Variants in PPP3CA observed in about 807,000 individuals in gnomAD.
PPP3CA encodes protein phosphatase 3 catalytic subunit alpha.
PPP3CA carries 14 observed loss-of-function variants against 66.5 expected under a neutral mutation model. That is an observed-to-expected ratio of 0.21 (90% CI 0.14 to 0.33). PPP3CA has a LOEUF of 0.33. Among genes scored for constraint, PPP3CA ranks in the 10% least tolerant of loss-of-function variants. The pLI is 1.00. For synonymous variants in PPP3CA, 232 were observed against 226.2 expected, an observed-to-expected ratio of 1.03 and a Z score of -0.23; for missense variants, 317 against 639.5, an observed-to-expected ratio of 0.50 and a Z score of 5.44.
intron 2 of PPP3CA, among the ~76,000 whole-genome samples, chr4:101,124,741 A>G (rs1425948293): frequency 3.5e-4 from 33 of 93,252 alleles, no homozygotes; most frequent in African/African-American, 1.3e-3. Flanking sequence ...GAAAGAAAGA[A>G]AGAAAGAAAG....
chr4:101,179,691 A>G (rs1018278400), intron 2 of PPP3CA, among the ~76,000 whole-genome samples: 1 of 152,196 alleles, frequency 6.6e-6, no homozygotes, highest in Non-Finnish European at 1.5e-5. Flanking sequence ...TTCGTGCAGT[A>G]CTTATTTCAG....
chr4:101,102,750 C>T (rs547553603), intron 3 of PPP3CA, among the ~76,000 whole-genome samples: 1 of 152,230 alleles, frequency 6.6e-6, no homozygotes, highest in East Asian at 1.9e-4. Flanking sequence ...CAGTGAAATA[C>T]AATTAGTTAA....
At chr4:101,082,116 GA>G in intron 7 of PPP3CA, among the ~76,000 whole-genome samples, 1 of 152,190 alleles carries the variant, frequency 6.6e-6, no homozygotes, top group Non-Finnish European at 1.5e-5. Context: ...CAGCCGACTG[GA>G]ACACAGCCAA....
intron 1 of PPP3CA, among the ~76,000 whole-genome samples, chr4:101,320,857 T>C (rs1729021161): frequency 6.6e-6 from 1 of 152,008 alleles, no homozygotes; most frequent in African/African-American, 2.4e-5. Flanking sequence ...TATTCTGAGA[T>C]CTTTGTGAAA....
chr4:101,342,931 T>A (rs1043312482), intron 1 of PPP3CA, among the ~76,000 whole-genome samples: 10 of 152,164 alleles, frequency 6.6e-5, no homozygotes, highest in Non-Finnish European at 1.5e-4. Flanking sequence ...TTAACTAGCA[T>A]CTTCTTGCTT....
rs368280907 is a variant in PPP3CA, at chr4:101,032,385, C to T, written c.1242-21G>A. The T allele has an allele frequency of 1.5e-5, 24 of 1,579,660 alleles. No individual in the cohort carries two copies. In the East Asian group the frequency reaches 2.0e-4, roughly 13 times the overall value. ...CTTCTCTGGAAGGCACAATGAGGGG[C>T]GACATTAACTTTTAATTTCTTTTGT... On this transcript the variant is annotated intron_variant, in intron 11 of 13. Coordinates refer to ENST00000394854, the MANE Select transcript of PPP3CA (RefSeq NM_000944.5).
intron 1 of PPP3CA, among the ~76,000 whole-genome samples, chr4:101,336,709 G>T (rs1227927780): frequency 1.3e-5 from 2 of 152,076 alleles, no homozygotes; most frequent in African/African-American, 4.8e-5. Context: ...CAAAGCATCA[G>T]ATTGTAATCA....
Position 101,319,189 on chromosome 4 carries a change from T to A in PPP3CA, c.58+27550A>T, listed in dbSNP as rs116406516. Among the ~76,000 whole-genome samples, 1,121 of 147,906 alleles carry A rather than the reference T, an allele frequency of 7.6e-3. 10 individuals carry two copies. Among genetic ancestry groups the A allele is most frequent in the African/African-American group, 0.026 (1,070 of 40,490 alleles). On this transcript the variant is annotated intron_variant, in intron 1 of 13. Coordinates refer to ENST00000394854, the MANE Select transcript of PPP3CA (RefSeq NM_000944.5). ...CATATTGAAAAAAAAAAAAAAAGCC[T>A]GGCTTTAAAAAGGAAGAACAGAGAG... is the stretch of plus-strand genomic sequence containing the variant.
chr4:101,106,465 GA>G (rs1366153808), intron 3 of PPP3CA, among the ~76,000 whole-genome samples: 1,217 of 42,064 alleles, frequency 0.029, 217 homozygotes, highest in African/African-American at 0.096. Flanking sequence ...GAAAAGAAAA[GA>G]AAAGAAAAGA....
intron 8 of PPP3CA, among the ~76,000 whole-genome samples, chr4:101,066,144 G>A (rs1728670767): frequency 6.6e-6 from 1 of 152,060 alleles, no homozygotes; most frequent in African/African-American, 2.4e-5. Context: ...TTTGGCCTGA[G>A]TCTAAAGTCT....
rs370450046 is a variant in PPP3CA at position 101,074,445 on chromosome 4, T to G, written c.955+6087A>C. Among the ~76,000 whole-genome samples, 15 of 152,318 alleles carry G rather than the reference T, an allele frequency of 9.8e-5. No homozygotes were observed. In the East Asian group the frequency reaches 2.7e-3, roughly 27 times the overall value. Reference sequence around the variant, plus strand: ...TGTGGTATAGTATGGAATGAGCTTCTGAGGTCTGGCCATACCACACTATGT... The same window carrying G: ...TGTGGTATAGTATGGAATGAGCTTCGGAGGTCTGGCCATACCACACTATGT... On this transcript the variant is annotated intron_variant, in intron 8 of 13. Coordinates refer to ENST00000394854, the MANE Select transcript of PPP3CA (RefSeq NM_000944.5).
At chr4:101,078,521 CTCTT>C (rs574822730) in intron 8 of PPP3CA, among the ~76,000 whole-genome samples, 169 of 152,260 alleles carry the variant, frequency 1.1e-3, no homozygotes, top group African/African-American at 3.8e-3. Context: ...GTGTTTGACT[CTCTT>C]TGTTTACACT....
chr4:101,118,791 T>C (rs535342758), intron 2 of PPP3CA, among the ~76,000 whole-genome samples: 4 of 152,102 alleles, frequency 2.6e-5, no homozygotes, highest in African/African-American at 9.6e-5. Flanking sequence ...CTAATTTGCT[T>C]TCCCCAATCT....
intron 1 of PPP3CA, among the ~76,000 whole-genome samples, chr4:101,317,644 G>A (rs570835748): frequency 3.3e-4 from 50 of 152,254 alleles, no homozygotes; most frequent in Non-Finnish European, 6.8e-4. Context: ...CTCGGCTACT[G>A]ACAATACTAT....
intron 2 of PPP3CA, among the ~76,000 whole-genome samples, chr4:101,181,924 A>G (rs543526728): frequency 1.2e-4 from 19 of 152,256 alleles, no homozygotes; most frequent in African/African-American, 4.3e-4. Context: ...ATTTGATTGT[A>G]AAGTGATTTG....
chr4:101,276,691 T>C lies in PPP3CA; in HGVS notation c.58+70048A>G, dbSNP rs192571851. ...ACAGGAAATAGGGTTTGCCTTTGCA[T>C]GTTTACTATATTAAAATAAAATATG... is the stretch of plus-strand genomic sequence containing the variant. On this transcript the variant is annotated intron_variant, in intron 1 of 13. Transcript: ENST00000394854. Among the ~76,000 whole-genome samples the C allele has an allele frequency of 5.9e-5, 9 of 152,292 alleles. No individual in the cohort carries two copies. In the East Asian group the frequency reaches 1.7e-3, roughly 29 times the overall value.
At chr4:101,068,727 C>T (rs1401104008) in intron 8 of PPP3CA, among the ~76,000 whole-genome samples, 1 of 151,988 alleles carries the variant, frequency 6.6e-6, no homozygotes. Context: ...CTAGTTCTTG[C>T]TGGATGAATT....
intron 1 of PPP3CA, among the ~76,000 whole-genome samples, chr4:101,199,038 G>A (rs577887822): frequency 6.6e-6 from 1 of 152,234 alleles, no homozygotes; most frequent in South Asian, 2.1e-4. Flanking sequence ...GCCAAAGACT[G>A]AACACAGAGA....
At chr4:101,195,861 G>T in intron 2 of PPP3CA, 55 bp downstream of exon 2, 1 of 1,488,432 alleles carries the variant, frequency 6.7e-7, no homozygotes, top group Non-Finnish European at 9.2e-7. Flanking sequence ...TTGATTTCAT[G>T]CTATAAACAA....
Sources: allele counts gnomAD v4.1 joint callset (sites outside exome capture counted in the v4.1 genomes callset), GRCh38; gene constraint gnomAD v4.1.1; transcripts MANE v1.5; gene names NCBI Gene and HGNC (gene_info 2026-07-23, HGNC 2026-07-21).